The following PLEC variants were observed in gnomAD, a reference collection of about 807,000 sequenced individuals.
PLEC encodes hemidesmosomal protein 1.
In PLEC, 216 loss-of-function variants were observed where a neutral mutation model predicts 392.8. The ratio of observed to expected loss-of-function variants is 0.55; its 90% confidence interval spans 0.49 to 0.62. The LOEUF (loss-of-function observed/expected upper bound fraction) is 0.62, where lower values mean the gene tolerates loss of function less well. Ranked by LOEUF, PLEC falls within the 20% of genes least tolerant of loss-of-function variation. The pLI, the probability that PLEC is intolerant of heterozygous loss-of-function variation, is 0.00. For missense variants in PLEC, 6,863 were observed against 6,563.4 expected (o/e 1.05, Z -1.58); for synonymous variants, 3,621 against 2,980.6 (o/e 1.21, Z -7.00).
In PLEC at chr8:143,923,092, C is replaced by T. The variant is rs782723243; in HGVS notation, c.6837G>A (p.Glu2279=). ...EAEKMKQVAE[E]AARLSVAAQE... Reference sequence around the variant, plus strand: ...GGGCCGCCACACTCAGCCGCGCGGCCTCCTCCGCCACCTGCTTCATCTTCT... The same window carrying T: ...GGGCCGCCACACTCAGCCGCGCGGCTTCCTCCGCCACCTGCTTCATCTTCT... The change falls in exon 31 of 32, where the codon GAG becomes GAA. Residue 2279 remains glutamate, a synonymous_variant. Coordinates refer to ENST00000345136, the MANE Select transcript of PLEC (RefSeq NM_201384.3). The T allele has an allele frequency of 6.2e-7, 1 of 1,607,192 alleles. No homozygotes were observed. The highest frequency in any genetic ancestry group is 8.5e-7 in the Non-Finnish European group (1 of 1,179,890).
upstream of PLEC, among the ~76,000 whole-genome samples, chr8:143,952,206 A>G (rs868957019): frequency 1.2e-3 from 152 of 124,124 alleles, no homozygotes; most frequent in Admixed American, 4.3e-3. Context: ...ACACACACAC[A>G]CACGCGCGCA....
chr8:143,930,176 C>A lies in PLEC; in HGVS notation c.2580G>T (p.Pro860=). The A allele has an allele frequency of 6.3e-7, 1 of 1,580,928 alleles. No homozygotes were observed. The highest frequency in any genetic ancestry group is 8.6e-7 in the Non-Finnish European group (1 of 1,169,546). ...AVPSVCFLVP[P]PNQEAQEAVT... Reference sequence around the variant, plus strand: ...CGGCCTCCTGGGCCTCCTGGTTGGGCGGGGGCACCAGGAAGCACACGGAGG... The same window carrying A: ...CGGCCTCCTGGGCCTCCTGGTTGGGAGGGGGCACCAGGAAGCACACGGAGG... Residue 860 remains proline (P), a synonymous_variant, in exon 21 of 32, where the codon CCG becomes CCT. Transcript: ENST00000345136.
At position 143,918,915 on chromosome 8, in the gene PLEC, C is replaced by T; in HGVS notation, c.10906G>A (p.Gly3636Ser). The change falls in exon 32 of 32, where the codon GGT becomes AGT. Residue 3636 changes from glycine to serine, a missense_variant. Coordinates refer to ENST00000345136, the MANE Select transcript of PLEC (RefSeq NM_201384.3). ...IEKTEIIRQQ[G>S]LASYDYVRRR... ...CGCACGTAGTCGTAGGAGGCCAGAC[C>T]CTGCTGGCGGATGATCTCTGTCTTC... The T allele has an allele frequency of 6.2e-7, 1 of 1,611,220 alleles. No individual in the cohort carries two copies. Among genetic ancestry groups the T allele is most frequent in the South Asian group, 1.1e-5 (1 of 91,088 alleles).
chr8:143,945,546 C>T (rs1169883116), intron 1 of PLEC, among the ~76,000 whole-genome samples: 2 of 152,232 alleles, frequency 1.3e-5, no homozygotes, highest in South Asian at 2.1e-4. Flanking sequence ...TGCACGTTGA[C>T]GGTATACCCC....
chr8:143,960,234 A>T (rs1257247383), intron 1 of PLEC, among the ~76,000 whole-genome samples: 3 of 152,020 alleles, frequency 2.0e-5, no homozygotes, highest in African/African-American at 7.3e-5. Context: ...GTGAGCCGAG[A>T]TCATGCCATT....
At chr8:143,937,683 G>C in intron 3 of PLEC, 1 of 489,866 alleles carries the variant, frequency 2.0e-6, no homozygotes, top group Admixed American at 2.3e-5. Context: ...CCAGCCCCCA[G>C]AAAGCCGGGC....
chr8:143,926,276 AGGGTGGGAAGCCTGGGTGGGGCG>A (rs1825154556), intron 30 of PLEC, among the ~76,000 whole-genome samples: 1 of 152,186 alleles, frequency 6.6e-6, no homozygotes, highest in Non-Finnish European at 1.5e-5. Flanking sequence ...CTCCCCGACC[AGGGTGGGAAGCCTGGGTGGGGCG>A]GGGTGAGGCG....
rs1833526443 is a variant in PLEC, at chr8:143,973,306, TCGGGCCGGCGATCGGGACC to T, written c.70+78_70+96del. The T allele has an allele frequency of 2.1e-6, 3 of 1,461,938 alleles. No individual in the cohort carries two copies. Among genetic ancestry groups the T allele is most frequent in the Non-Finnish European group, 1.9e-6 (2 of 1,080,626 alleles). 90.6% of individuals were successfully genotyped at this position (1,461,938 alleles called of 1,614,324 possible). On this transcript the variant is annotated intron_variant, in intron 1 of 31. Coordinates refer to the PLEC transcript ENST00000356346. This position sits in a 1 kb window ranked among gnomAD's most constrained non-coding sequence, Gnocchi z 5.6. ...GACGAGGCCGGCGGAGTGGCCGCGCTCGGGCCGGCGATCGGGACCGCCACCGTGGACGACAAGGTGCTCG... is the reference window on the plus strand; with the variant it reads ...GACGAGGCCGGCGGAGTGGCCGCGCTGCCACCGTGGACGACAAGGTGCTCG...
At chr8:143,945,807 C>T (rs1010571490) in intron 1 of PLEC, among the ~76,000 whole-genome samples, 9 of 152,232 alleles carry the variant, frequency 5.9e-5, no homozygotes, top group African/African-American at 2.2e-4. Flanking sequence ...ACAAGAGGGC[C>T]GGGCCCACCC....
chr8:143,958,825 G>A (rs1225473766), upstream of PLEC: 2 of 281,792 alleles, frequency 7.1e-6, no homozygotes, highest in South Asian at 5.5e-5. This position sits in a 1 kb window ranked among gnomAD's most constrained non-coding sequence, Gnocchi z 4.9. Context: ...TGGGGCGGCT[G>A]CCTCACCCAG....
chr8:143,966,922 C>A (rs543816894), intron 1 of PLEC, among the ~76,000 whole-genome samples: 4 of 152,096 alleles, frequency 2.6e-5, no homozygotes, highest in Non-Finnish European at 5.9e-5. Context: ...CAAAGATTAA[C>A]GACAGAGATG....
rs532681952 is a variant in PLEC at position 143,925,346 on chromosome 8, G to T, written c.4583C>A (p.Ala1528Glu). Residue 1528 changes from alanine to glutamate, a missense_variant, in exon 31 of 32, where the codon GCG (alanine) becomes GAG (glutamate). Coordinates refer to ENST00000345136, the MANE Select transcript of PLEC (RefSeq NM_201384.3). Reference protein sequence around the residue: ...ASRVKAEAEAAREKQRALQAL... With the variant: ...ASRVKAEAEAEREKQRALQAL... ...CTGCAGGGCCCGCTGCTTCTCGCGC[G>T]CCGCCTCGGCCTCGGCCTTCACGCG... 1 of 1,549,710 alleles carries T rather than the reference G, an allele frequency of 6.5e-7. No homozygotes were observed. The highest frequency in any genetic ancestry group is 8.7e-7 in the Non-Finnish European group (1 of 1,155,564).
At chr8:143,946,556 G>A (rs941966610) in intron 1 of PLEC, 9 of 418,670 alleles carry the variant, frequency 2.1e-5, no homozygotes, top group Admixed American at 3.1e-5. Flanking sequence ...AAGCCCAGCC[G>A]ACTGACGGGT....
chr8:143,961,971 G>A (rs1192532376), intron 1 of PLEC, among the ~76,000 whole-genome samples: 7 of 151,970 alleles, frequency 4.6e-5, no homozygotes, highest in Admixed American at 2.6e-4. Flanking sequence ...CTGTAATCAC[G>A]TGCCCAGCCC....
upstream of PLEC, among the ~76,000 whole-genome samples, chr8:143,956,345 A>C (rs374085077): frequency 3.3e-5 from 5 of 152,310 alleles, no homozygotes; most frequent in East Asian, 5.8e-4. Context: ...AGACAGGAGG[A>C]TCACTTGATC....
At position 143,935,003 on chromosome 8, in the gene PLEC, C is replaced by T; in HGVS notation, c.825+8G>A. 6.2e-7 allele frequency: 1 copy of T among 1,612,166 alleles called. No homozygotes were observed. The highest frequency in any genetic ancestry group is 8.5e-7 in the Non-Finnish European group (1 of 1,179,596). On this transcript the variant is annotated splice_region_variant and intron_variant, in intron 8 of 31. Transcript: ENST00000345136. ...CCAAGCCCCCTGCCCTCCGGGCCCC[C>T]CACTCACGTTGGCCCTCACCCCATC...
rs1393840605 is a variant in PLEC, at chr8:143,930,010, C to T, written c.2665G>A (p.Asp889Asn). Residue 889 changes from aspartate (D) to asparagine (N), a missense_variant, in exon 22 of 32, where the codon GAC becomes AAC. Transcript: ENST00000345136. ...TGCCAGGCCAGAAGGCTCTTCATGT[C>T]CACGTGCAACTGGTGCCACAGCGTG... The part of the protein sequence containing the change: ...LVTLWHQLHV[D>N]MKSLLAWQSL... 3.1e-6 allele frequency: 5 copies of T among 1,612,168 alleles called. No homozygotes were observed. The highest frequency in any genetic ancestry group is 2.2e-5 in the South Asian group (2 of 91,062).
rs782121511 is a variant in PLEC at position 143,925,534 on chromosome 8, C to G, written c.4395G>C (p.Glu1465Asp). ...RVVRLQLEAT[E>D]RQRGGAEGEL... Reference sequence around the variant, plus strand: ...CCCCCTCAGCCCCGCCACGCTGGCGCTCGGTGGCCTCCAACTGCAGGCGCA... The same window carrying G: ...CCCCCTCAGCCCCGCCACGCTGGCGGTCGGTGGCCTCCAACTGCAGGCGCA... The change falls in exon 31 of 32, where the codon GAG (glutamate) becomes GAC (aspartate). Residue 1465 changes from glutamate (E) to aspartate (D), a missense_variant. Physicochemically the swap from Glu to Asp is conservative, Grantham distance 45. Transcript: ENST00000345136. 1.0e-5 allele frequency: 16 copies of G among 1,595,030 alleles called. No homozygotes were observed. The African/African-American group carries it at 2.0e-4, about 20-fold the overall frequency.
rs368185191 is a variant in PLEC, at chr8:143,917,416, G to T, written c.12405C>A (p.Ser4135=). The T allele has an allele frequency of 1.1e-5, 18 of 1,612,948 alleles. No homozygotes were observed. Among genetic ancestry groups the T allele is most frequent in the Middle Eastern group, 3.3e-4 (2 of 6,062 alleles). ...KRERKTSSKS[S]VRKRRVVIVD... ...CGATGACCACTCGGCGCTTGCGCAC[G>T]GAGGACTTGGAGGACGTCTTCCGCT... Residue 4135 remains serine, a synonymous_variant, in exon 32 of 32, where the codon TCC becomes TCA. Transcript: ENST00000345136.
Sources: gnomAD v4.1 joint callset for allele counts (sites outside exome capture counted in the v4.1 genomes callset) on GRCh38, gnomAD v4.1.1 for gene constraint, Gnocchi (gnomAD v3.1) non-coding constraint, MANE v1.5 for transcripts, NCBI Gene and HGNC (gene_info 2026-07-23, HGNC 2026-07-21) for gene names.